The following FAM168A variants were observed in gnomAD, a reference collection of about 807,000 sequenced individuals.
The protein encoded by FAM168A is family with sequence similarity 168 member A, also known as protein FAM168A.
FAM168A carries 3 observed loss-of-function variants against 28.5 expected under a neutral mutation model. The observed-to-expected ratio is 0.11, with a 90% CI of 0.05 to 0.27. The LOEUF (loss-of-function observed/expected upper bound fraction) is 0.27. Among genes scored for constraint, FAM168A ranks in the 10% least tolerant of loss-of-function variants. FAM168A has a pLI of 1.00. For synonymous variants in FAM168A, 122 were observed against 124.2 expected, an observed-to-expected ratio of 0.98 and a Z score of 0.12; for missense variants, 222 against 311.5, an observed-to-expected ratio of 0.71 and a Z score of 2.16.
intron 1 of FAM168A, among the ~76,000 whole-genome samples, chr11:73,509,440 T>C (rs1176713264): frequency 6.6e-6 from 1 of 152,148 alleles, no homozygotes; most frequent in East Asian, 1.9e-4. Flanking sequence ...TGTTGAATGT[T>C]TTTCAAACGT....
chr11:73,451,851 T>C (rs1172327895), intron 2 of FAM168A, among the ~76,000 whole-genome samples: 2 of 152,232 alleles, frequency 1.3e-5, no homozygotes, highest in Non-Finnish European at 2.9e-5. Flanking sequence ...AGTCCATGAG[T>C]GTAAGTTAAC....
In FAM168A at chr11:73,544,570, CAT is replaced by C. The variant is rs536369969; in HGVS notation, c.-19+53351_-19+53352del. 1.5e-3 allele frequency among the ~76,000 whole-genome samples: 229 copies of C among 149,642 alleles called. 1 individual carries two copies. The highest frequency in any genetic ancestry group is 5.4e-3 in the African/African-American group (220 of 40,644). On this transcript the variant is annotated intron_variant, in intron 1 of 7. Transcript: ENST00000356467. ...ATAAACAAATAAAAGGTGGCATATACATATGATGAAATATTTAGCAATAAAAA... is the reference window on the plus strand; with the variant it reads ...ATAAACAAATAAAAGGTGGCATATACATGATGAAATATTTAGCAATAAAAA...
chr11:73,420,827 C>T (rs1029679895), intron 3 of FAM168A: 15 of 152,496 alleles, frequency 9.8e-5, no homozygotes, highest in Admixed American at 3.9e-4. Flanking sequence ...AAGCTCAGCT[C>T]GAGACATCTG....
chr11:73,422,154 C>T (rs1866804561), intron 3 of FAM168A, among the ~76,000 whole-genome samples: 1 of 152,108 alleles, frequency 6.6e-6, no homozygotes, highest in Non-Finnish European at 1.5e-5. Context: ...GCAACACAGC[C>T]ACACGCCAAC....
Position 73,496,999 on chromosome 11 carries a change from C to T in FAM168A, c.-18-28507G>A, listed in dbSNP as rs1052440055. ...GAATCAGAATTTTACACAAATTCCC[C>T]ACGTATTTTTGAAAAATGGCCGAAT... On this transcript the variant is annotated intron_variant, in intron 1 of 7. Transcript: ENST00000356467. Among the ~76,000 whole-genome samples the T allele has an allele frequency of 2.0e-5, 3 of 152,222 alleles. No individual in the cohort carries two copies. In the East Asian group the frequency reaches 5.8e-4, roughly 29 times the overall value.
At chr11:73,475,788 G>T (rs1867880178) in intron 1 of FAM168A, among the ~76,000 whole-genome samples, 1 of 152,158 alleles carries the variant, frequency 6.6e-6, no homozygotes, top group African/African-American at 2.4e-5. Flanking sequence ...TGCTACTAGG[G>T]CAGGCTAGAC....
intron 1 of FAM168A, among the ~76,000 whole-genome samples, chr11:73,535,568 C>G (rs1467522493): frequency 6.6e-6 from 1 of 151,184 alleles, no homozygotes; most frequent in South Asian, 2.1e-4. Flanking sequence ...TACAGGTGCC[C>G]GCCACCACAC....
At chr11:73,497,449 C>T (rs111980568) in intron 1 of FAM168A, among the ~76,000 whole-genome samples, 3 of 151,530 alleles carry the variant, frequency 2.0e-5, no homozygotes, top group Middle Eastern at 6.8e-3. Flanking sequence ...CTCCATACCC[C>T]CCCTCAAAAA....
intron 1 of FAM168A, among the ~76,000 whole-genome samples, chr11:73,539,215 A>T (rs1348791853): frequency 6.6e-6 from 1 of 152,128 alleles, no homozygotes; most frequent in Admixed American, 6.5e-5. Context: ...ATGATCTCAA[A>T]CACTCCAGGA....
intron 1 of FAM168A, among the ~76,000 whole-genome samples, chr11:73,545,027 A>AAT (rs1565292017): frequency 1.3e-5 from 1 of 77,462 alleles, no homozygotes; most frequent in African/African-American, 1.2e-4. Flanking sequence ...TAGTATATAT[A>AAT]ATATATATAT....
At chr11:73,540,514 C>T (rs1943640668) in intron 1 of FAM168A, among the ~76,000 whole-genome samples, 2 of 152,172 alleles carry the variant, frequency 1.3e-5, no homozygotes, top group African/African-American at 4.8e-5. Context: ...TGTCTGCCTC[C>T]TGCCCAACCA....
intron 1 of FAM168A, among the ~76,000 whole-genome samples, chr11:73,487,721 C>T (rs567635943): frequency 6.6e-6 from 1 of 152,104 alleles, no homozygotes; most frequent in Non-Finnish European, 1.5e-5. Flanking sequence ...ATAACTGAAA[C>T]CTTTTTTCTC....
chr11:73,459,498 A>G (rs186293625), intron 2 of FAM168A, among the ~76,000 whole-genome samples: 2 of 151,940 alleles, frequency 1.3e-5, no homozygotes, highest in Admixed American at 1.3e-4. Flanking sequence ...AAAAAGAAAA[A>G]AAAAAGGAAA....
intron 2 of FAM168A, among the ~76,000 whole-genome samples, chr11:73,447,806 A>G (rs908779469): frequency 2.0e-5 from 3 of 151,956 alleles, no homozygotes; most frequent in Admixed American, 1.3e-4. Context: ...CCCATCAGCT[A>G]ACTACCATTT....
At chr11:73,550,389 C>T (rs1319601119) in intron 1 of FAM168A, among the ~76,000 whole-genome samples, 2 of 152,234 alleles carry the variant, frequency 1.3e-5, no homozygotes, top group South Asian at 4.1e-4. Flanking sequence ...CTTGGTGGCT[C>T]ATGCCTGTAA....
At chr11:73,444,551 TG>T (rs1329417514) in intron 2 of FAM168A, among the ~76,000 whole-genome samples, 1 of 152,264 alleles carries the variant, frequency 6.6e-6, no homozygotes, top group African/African-American at 2.4e-5. Flanking sequence ...TACAATCTTT[TG>T]TGCATTTTAA....
chr11:73,525,239 G>A (rs917857406), intron 1 of FAM168A, among the ~76,000 whole-genome samples: 9 of 152,030 alleles, frequency 5.9e-5, no homozygotes, highest in African/African-American at 1.9e-4. Flanking sequence ...ATACAGACAC[G>A]TACGAACAGT....
chr11:73,514,962 C>G (rs1202753846), intron 1 of FAM168A, among the ~76,000 whole-genome samples: 3 of 151,622 alleles, frequency 2.0e-5, no homozygotes, highest in Non-Finnish European at 4.4e-5. Context: ...ACACAAGCCC[C>G]CAAAGCTTAA....
At chr11:73,592,685 G>A (rs1304845710) in intron 1 of FAM168A, among the ~76,000 whole-genome samples, 1 of 151,864 alleles carries the variant, frequency 6.6e-6, no homozygotes, top group East Asian at 1.9e-4. Context: ...GAGATGGGGA[G>A]ACAAAAAGGA....
Sources: allele counts gnomAD v4.1 joint callset (sites outside exome capture counted in the v4.1 genomes callset), GRCh38; gene constraint gnomAD v4.1.1; transcripts MANE v1.5; gene names NCBI Gene and HGNC (gene_info 2026-07-23, HGNC 2026-07-21).